Variants in ADAM11 observed in about 807,000 individuals in gnomAD.
ADAM11 encodes the protein ADAM metallopeptidase domain 11.
Under a neutral mutation model 119.1 loss-of-function variants are expected in ADAM11, and 49 were observed. That is an observed-to-expected ratio of 0.41 (90% CI 0.33 to 0.52). The LOEUF is 0.52. Ranked by LOEUF, ADAM11 falls within the 20% of genes least tolerant of loss-of-function variation. ADAM11 has a pLI of 0.20. For synonymous variants in ADAM11, 364 were observed against 408.0 expected (o/e 0.89, Z 1.30); for missense variants, 777 against 1,047.5 (o/e 0.74, Z 3.56).
At chr17:44,774,770 CG>C in intron 14 of ADAM11, 21 bp downstream of exon 14, 1 of 1,588,600 alleles carries the variant, frequency 6.3e-7, no homozygotes, top group Non-Finnish European at 8.5e-7. Flanking sequence ...GGGGACAAAC[CG>C]GGGGAAGGTC....
At chr17:44,778,500 T>C (rs1435339308) in intron 25 of ADAM11, among the ~76,000 whole-genome samples, 1 of 151,992 alleles carries the variant, frequency 6.6e-6, no homozygotes, top group African/African-American at 2.4e-5. Context: ...AAGACCAGTC[T>C]GGCCAACATG....
chr17:44,779,016 TAGC>T (rs1213286083), intron 25 of ADAM11, among the ~76,000 whole-genome samples: 3 of 152,162 alleles, frequency 2.0e-5, no homozygotes, highest in Non-Finnish European at 4.4e-5. Context: ...ATTGAGTTAG[TAGC>T]AGAGTCAGAG....
At chr17:44,770,285 C>A (rs1030713344) in intron 4 of ADAM11, among the ~76,000 whole-genome samples, 2 of 152,068 alleles carry the variant, frequency 1.3e-5, no homozygotes. Flanking sequence ...CCCAGCCAGC[C>A]CACGTGGGGC....
chr17:44,761,547 C>A (rs951548426), intron 2 of ADAM11, among the ~76,000 whole-genome samples: 1 of 152,016 alleles, frequency 6.6e-6, no homozygotes, highest in Non-Finnish European at 1.5e-5. Context: ...ATTCCAGATA[C>A]TTCTGAGGGG....
chr17:44,779,337 T>C, intron 26 of ADAM11, 98 bp downstream of exon 26: 1 of 1,487,166 alleles, frequency 6.7e-7, no homozygotes, highest in Non-Finnish European at 8.9e-7. Context: ...CGCGTTCTGT[T>C]GATGGGGAGC....
chr17:44,759,858 G>A lies in ADAM11; in HGVS notation c.198G>A (p.Gln66=). The change falls in exon 2 of 27, where the codon CAG becomes CAA. Residue 66 remains glutamine, a synonymous_variant. Transcript: ENST00000200557. ...CCGGGGGAGAGGTCCGAAAGCAGCA[G>A]CTGGACACAAGGGTCCGCCAGGAGC... The part of the protein sequence containing the change: ...ESSGGEVRKQ[Q]LDTRVRQEPP... 2.3e-6 allele frequency: 3 copies of A among 1,313,254 alleles called. No homozygotes were observed. The highest frequency in any genetic ancestry group is 2.9e-6 in the Non-Finnish European group (3 of 1,022,936). The allele number at this position is 1,313,254 out of a possible 1,614,324, so 81.4% of individuals were successfully genotyped here. A position where few individuals can be genotyped will look rare whatever the true frequency, so the allele number is the denominator to read the frequency against.
chr17:44,772,482 CAGACCTCGGGCTGCAG>C lies in ADAM11; in HGVS notation c.678+36_678+51del, dbSNP rs761404892. 1.5e-4 allele frequency: 227 copies of C among 1,559,496 alleles called. 1 individual carries two copies. Among genetic ancestry groups the C allele is most frequent in the African/African-American group, 8.6e-4 (63 of 73,678 alleles). On this transcript the variant is annotated intron_variant, in intron 8 of 26. Coordinates refer to ENST00000200557, the MANE Select transcript of ADAM11 (RefSeq NM_002390.6). The surrounding 1 kb of genome is among the most constrained non-coding windows in gnomAD (Gnocchi z 4.5). ...GAAAAGGCAGGTACGGGGGCCCGCACAGACCTCGGGCTGCAGAGACCTCGGGCTGCAGAGAGACCTC... is the reference window on the plus strand; with the variant it reads ...GAAAAGGCAGGTACGGGGGCCCGCACAGACCTCGGGCTGCAGAGAGACCTC...
intron 2 of ADAM11, among the ~76,000 whole-genome samples, chr17:44,766,244 G>A (rs369158579): frequency 6.6e-5 from 10 of 152,158 alleles, no homozygotes; most frequent in African/African-American, 1.7e-4. Flanking sequence ...GTGAAGGGCC[G>A]TGTCTGGAAG....
chr17:44,770,077 GGGGAT>G (rs1486992599), intron 4 of ADAM11, 29 bp downstream of exon 4: 2 of 1,610,906 alleles, frequency 1.2e-6, no homozygotes, highest in Non-Finnish European at 1.7e-6. Context: ...GACCGGGGCC[GGGGAT>G]GGAAGGGAGG....
In ADAM11 at chr17:44,773,525, G is replaced by T. The variant is rs537844930; in HGVS notation, c.992+98G>T. 3.5e-6 allele frequency: 5 copies of T among 1,445,480 alleles called. No homozygotes were observed. The highest frequency in any genetic ancestry group is 3.7e-6 in the Non-Finnish European group (4 of 1,079,328). The allele number at this position is 1,445,480 out of a possible 1,614,324, so 89.5% of individuals were successfully genotyped here. On this transcript the variant is annotated intron_variant, in intron 11 of 26. Coordinates refer to ENST00000200557, the MANE Select transcript of ADAM11 (RefSeq NM_002390.6). This position sits in a 1 kb window ranked among gnomAD's most constrained non-coding sequence, Gnocchi z 4.6. Reference sequence around the variant, plus strand: ...CCCTGTGCTGGCTGCTCCTCTCAGAGTCTGGGGACTGGGCTCACCTTGCAC... The same window carrying T: ...CCCTGTGCTGGCTGCTCCTCTCAGATTCTGGGGACTGGGCTCACCTTGCAC...
chr17:44,771,627 A>T lies in ADAM11; in HGVS notation c.425A>T (p.Asn142Ile). Residue 142 changes from asparagine (N) to isoleucine (I), a missense_variant, in exon 5 of 27, where the codon AAC (asparagine) becomes ATC (isoleucine). By Grantham distance (149) the Asn-to-Ile change is moderately radical. Around this residue, in one of 4 missense-constraint regions of ADAM11, gnomAD observed 278 missense variants for 310.1 expected, o/e 0.90. Transcript: ENST00000200557. ...HCYYQGKLRG[N>I]PHSFAALSTC... is the part of the protein sequence containing the mutation. ...TACTACCAGGGGAAGCTCCGGGGGAACCCGCACTCCTTCGCCGCCCTCTCC... is the reference window on the plus strand; with the variant it reads ...TACTACCAGGGGAAGCTCCGGGGGATCCCGCACTCCTTCGCCGCCCTCTCC... The T allele has an allele frequency of 6.2e-7, 1 of 1,611,748 alleles. No individual in the cohort carries two copies. The highest frequency in any genetic ancestry group is 1.3e-5 in the African/African-American group (1 of 74,930).
intron 2 of ADAM11, among the ~76,000 whole-genome samples, chr17:44,766,930 C>G (rs1169688208): frequency 1.3e-5 from 2 of 152,076 alleles, no homozygotes; most frequent in African/African-American, 4.8e-5. Context: ...TTAGGCTGGA[C>G]ATGGAGGCTC....
intron 1 of ADAM11, 115 bp from the exon 2 acceptor site, chr17:44,759,607 C>A: frequency 7.7e-7 from 1 of 1,303,250 alleles, no homozygotes; most frequent in Non-Finnish European, 9.8e-7. Context: ...CCACCCGGAT[C>A]GCCCTAGGGC....
chr17:44,776,608 G>A lies in ADAM11; in HGVS notation c.1567-137G>A. 3.6e-6 allele frequency: 4 copies of A among 1,113,302 alleles called. No homozygotes were observed. Among genetic ancestry groups the A allele is most frequent in the South Asian group, 1.5e-5 (1 of 64,772 alleles). 69.0% of individuals were successfully genotyped at this position (1,113,302 alleles called of 1,614,324 possible). On this transcript the variant is annotated intron_variant, in intron 18 of 26. Coordinates refer to ENST00000200557, the MANE Select transcript of ADAM11 (RefSeq NM_002390.6). The surrounding 1 kb of genome is among the most constrained non-coding windows in gnomAD (Gnocchi z 5.2). ...GTCTGGGTCCAGAACCAGACAGATC[G>A]CTTGTCCTAGGCGTGGAAGAGCCCT...
rs748123040 is a variant in ADAM11 at position 44,765,610 on chromosome 17, C to CTTTTTTTTTTTT, written c.238-4096_238-4085dup. On this transcript the variant is annotated intron_variant, in intron 2 of 26. Transcript: ENST00000200557. ...AATCCTGGTTTTTCTTTTCTTTTCTCTTTTTTTTTTTTTTTTTTTTTTTGT... is the reference window on the plus strand; with the variant it reads ...AATCCTGGTTTTTCTTTTCTTTTCTCTTTTTTTTTTTTTTTTTTTTTTTTTTTTTTTTTTTGT... Among the ~76,000 whole-genome samples, 223 of 99,860 alleles carry CTTTTTTTTTTTT rather than the reference C, an allele frequency of 2.2e-3. 6 individuals are homozygous for CTTTTTTTTTTTT. Among genetic ancestry groups the CTTTTTTTTTTTT allele is most frequent in the African/African-American group, 3.9e-3 (98 of 25,158 alleles). The allele number at this position is 99,860 out of a possible 152,430, so 65.5% of individuals were successfully genotyped here.
intron 2 of ADAM11, 59 bp downstream of exon 2, chr17:44,759,956 C>T (rs2049369858): frequency 1.6e-6 from 2 of 1,245,308 alleles, no homozygotes; most frequent in South Asian, 4.0e-5. Context: ...CCCCAGGAAG[C>T]CCACGGGGTA....
chr17:44,769,711 C>CA lies in ADAM11; in HGVS notation c.238-6dup. ...GTTGACTCCCCCTCTGCCCTCCCCCCACCCAGCCTGTCCATCTGGCCCAGG... is the reference window on the plus strand; with the variant it reads ...GTTGACTCCCCCTCTGCCCTCCCCCCAACCCAGCCTGTCCATCTGGCCCAGG... On this transcript the variant is annotated splice_region_variant and splice_polypyrimidine_tract_variant and intron_variant, in intron 2 of 26. Coordinates refer to ENST00000200557, the MANE Select transcript of ADAM11 (RefSeq NM_002390.6). 6.3e-7 allele frequency: 1 copy of CA among 1,595,892 alleles called. No homozygotes were observed. Among genetic ancestry groups the CA allele is most frequent in the Non-Finnish European group, 8.6e-7 (1 of 1,163,476 alleles).
intron 25 of ADAM11, 70 bp downstream of exon 25, chr17:44,778,312 T>G (rs2049635789): frequency 5.4e-6 from 8 of 1,469,956 alleles, no homozygotes; most frequent in Non-Finnish European, 6.4e-6. Flanking sequence ...CTGGTGGAGC[T>G]GAGGGGGCCC....
rs1359884202 is a variant in ADAM11 at position 44,773,924 on chromosome 17, C to T, written c.993-371C>T. ...CAGCCTGGCCAACATGGTGAAACCC[C>T]ATCTCAAAATACAAAAATTAGCCAG... On this transcript the variant is annotated intron_variant, in intron 11 of 26. Coordinates refer to ENST00000200557, the MANE Select transcript of ADAM11 (RefSeq NM_002390.6). This position sits in a 1 kb window ranked among gnomAD's most constrained non-coding sequence, Gnocchi z 4.6. Among the ~76,000 whole-genome samples the T allele has an allele frequency of 6.6e-6, 1 of 151,792 alleles. No homozygotes were observed. Among genetic ancestry groups the T allele is most frequent in the Non-Finnish European group, 1.5e-5 (1 of 67,948 alleles).
Sources: gnomAD v4.1 joint callset for allele counts (sites outside exome capture counted in the v4.1 genomes callset) on GRCh38, gnomAD v4.1.1 for gene constraint, gnomAD v4.1.1 regional missense constraint, Gnocchi (gnomAD v3.1) non-coding constraint, MANE v1.5 for transcripts, NCBI Gene and HGNC (gene_info 2026-07-23, HGNC 2026-07-21) for gene names.